The following KSR2 variants were observed in gnomAD, a reference collection of about 807,000 sequenced individuals.
The protein encoded by KSR2 is kinase suppressor of ras 2.
Under a neutral mutation model 107.8 loss-of-function variants are expected in KSR2, and 25 were observed. The ratio of observed to expected loss-of-function variants is 0.23; its 90% CI spans 0.17 to 0.32. The LOEUF is 0.32. KSR2 is among the 10% of genes least tolerant of loss of function. The pLI, the probability that KSR2 is intolerant of heterozygous loss-of-function variation, is 1.00. For synonymous variants in KSR2, 480 were observed against 507.0 expected, an observed-to-expected ratio of 0.95 and a Z score of 0.71; for missense variants, 887 against 1,268.9, an observed-to-expected ratio of 0.70 and a Z score of 4.57.
chr12:117,523,059 C>A (rs1874864180), intron 14 of KSR2, among the ~76,000 whole-genome samples: 1 of 152,200 alleles, frequency 6.6e-6, no homozygotes, highest in Admixed American at 6.5e-5. Context: ...TTTAAGGAGG[C>A]TTGGAGGCCC....
intron 1 of KSR2, among the ~76,000 whole-genome samples, chr12:117,964,037 G>A (rs1896728915): frequency 6.6e-6 from 1 of 152,186 alleles, no homozygotes; most frequent in Non-Finnish European, 1.5e-5. Context: ...CTGCACTTTG[G>A]GAGGCCGAGG....
intron 3 of KSR2, 60 bp downstream of exon 3, chr12:117,855,368 G>C: frequency 6.3e-7 from 1 of 1,593,886 alleles, no homozygotes; most frequent in Non-Finnish European, 8.6e-7. Flanking sequence ...GGATGCCGAG[G>C]GACCGCGGCA....
intron 1 of KSR2, among the ~76,000 whole-genome samples, chr12:117,944,610 C>G: frequency 6.6e-6 from 1 of 151,964 alleles, no homozygotes; most frequent in East Asian, 1.9e-4. Context: ...AATCCCAGCA[C>G]TTTGGGAGGC....
At chr12:117,802,519 C>T (rs1291155257) in intron 3 of KSR2, among the ~76,000 whole-genome samples, 1 of 152,152 alleles carries the variant, frequency 6.6e-6, no homozygotes, top group Non-Finnish European at 1.5e-5. Flanking sequence ...ACTACTACAG[C>T]AAGGAATTCC....
chr12:117,678,478 G>A (rs1033168207), intron 4 of KSR2, among the ~76,000 whole-genome samples: 16 of 151,974 alleles, frequency 1.1e-4, no homozygotes, highest in African/African-American at 3.6e-4. Flanking sequence ...CCAAGAGCTT[G>A]ACCACAGGGA....
intron 3 of KSR2, among the ~76,000 whole-genome samples, chr12:117,808,661 C>T (rs1891088908): frequency 6.6e-6 from 1 of 152,130 alleles, no homozygotes; most frequent in South Asian, 2.1e-4. Context: ...CAATCTGAAG[C>T]CTCTGCCCAT....
intron 1 of KSR2, among the ~76,000 whole-genome samples, chr12:117,881,674 C>G (rs989814278): frequency 1.3e-5 from 2 of 152,194 alleles, no homozygotes; most frequent in African/African-American, 4.8e-5. Context: ...AAATGGAGGT[C>G]AGCTGACTTG....
chr12:117,858,481 G>A (rs868447891), intron 2 of KSR2, among the ~76,000 whole-genome samples: 5 of 152,268 alleles, frequency 3.3e-5, no homozygotes, highest in East Asian at 1.9e-4. Flanking sequence ...GGAATGGAGC[G>A]GGGTGATGCT....
At chr12:117,754,444 C>A (rs1888716970) in intron 4 of KSR2, among the ~76,000 whole-genome samples, 1 of 151,852 alleles carries the variant, frequency 6.6e-6, no homozygotes, top group Admixed American at 6.6e-5. Context: ...TCAAGACCAG[C>A]CTGATCAACA....
At chr12:117,901,105 T>C (rs890997661) in intron 1 of KSR2, among the ~76,000 whole-genome samples, 2 of 151,854 alleles carry the variant, frequency 1.3e-5, no homozygotes, top group Non-Finnish European at 2.9e-5. Context: ...CAGTGCACAG[T>C]GCGTCATGGA....
intron 1 of KSR2, among the ~76,000 whole-genome samples, chr12:117,947,213 G>GA (rs1165516942): frequency 0.021 from 1,792 of 83,612 alleles, 37 homozygotes; most frequent in Middle Eastern, 0.057. Flanking sequence ...AGAAAAGAAA[G>GA]AAAGAAAGAA....
At chr12:117,725,945 T>A (rs1408365886) in intron 4 of KSR2, among the ~76,000 whole-genome samples, 1 of 152,062 alleles carries the variant, frequency 6.6e-6, no homozygotes, top group African/African-American at 2.4e-5. Context: ...AGCAGGCAGA[T>A]CACTTGAGGT....
intron 14 of KSR2, among the ~76,000 whole-genome samples, chr12:117,496,699 T>C (rs1368592659): frequency 1.3e-5 from 2 of 151,978 alleles, no homozygotes; most frequent in Non-Finnish European, 2.9e-5. Flanking sequence ...AAAACAAACA[T>C]ATATTAAAAA....
At chr12:117,810,770 CTTTGT>C (rs900461426) in intron 3 of KSR2, among the ~76,000 whole-genome samples, 4 of 152,032 alleles carry the variant, frequency 2.6e-5, no homozygotes, top group African/African-American at 4.8e-5. Context: ...TCCAGCTTGT[CTTTGT>C]TTTGTTTTGT....
At chr12:117,612,804 T>C (rs1283601386) in intron 5 of KSR2, among the ~76,000 whole-genome samples, 1 of 152,250 alleles carries the variant, frequency 6.6e-6, no homozygotes. Context: ...AGGGAGGCAA[T>C]TGGATCATGG....
chr12:117,722,450 C>T (rs576721373), intron 4 of KSR2, among the ~76,000 whole-genome samples: 190 of 152,280 alleles, frequency 1.2e-3, no homozygotes, highest in Admixed American at 7.4e-3. Flanking sequence ...GCATCAAGAC[C>T]TTGCTGATAA....
chr12:117,855,323 ACTCTGTCTCGTCCTGGCCTGCAGTGG>A, intron 3 of KSR2, 79 bp downstream of exon 3: 1 of 1,481,010 alleles, frequency 6.8e-7, no homozygotes, highest in Non-Finnish European at 9.2e-7. Context: ...CCCAGGGTTG[ACTCTGTCTCGTCCTGGCCTGCAGTGG>A]CGGGCACGGG....
At chr12:117,702,828 C>A (rs957419605) in intron 4 of KSR2, among the ~76,000 whole-genome samples, 2 of 152,186 alleles carry the variant, frequency 1.3e-5, no homozygotes, top group African/African-American at 4.8e-5. Context: ...TTTGAAAGCT[C>A]CGCTCTGGCT....
At chr12:117,911,174 T>TCTCA (rs1555256064) in intron 1 of KSR2, among the ~76,000 whole-genome samples, 2,984 of 148,978 alleles carry the variant, frequency 0.02, 62 homozygotes, top group Admixed American at 0.08. Context: ...TCTCTCTCTC[T>TCTCA]CACACACACA....
Sources: gnomAD v4.1 joint callset for allele counts (sites outside exome capture counted in the v4.1 genomes callset) on GRCh38, gnomAD v4.1.1 for gene constraint, MANE v1.5 for transcripts, NCBI Gene and HGNC (gene_info 2026-07-23, HGNC 2026-07-21) for gene names.